ARHGAP21: variants seen among roughly 807,000 people sequenced by gnomAD.
ARHGAP21 encodes the protein Rho GTPase activating protein 21.
ARHGAP21 carries 38 observed loss-of-function variants against 164.6 expected under a neutral mutation model. The ratio of observed to expected loss-of-function variants is 0.23; its 90% CI spans 0.18 to 0.30. The LOEUF (loss-of-function observed/expected upper bound fraction) is 0.30, where lower values mean the gene tolerates loss of function less well. Ranked by LOEUF, ARHGAP21 falls within the 10% of genes least tolerant of loss-of-function variation. The pLI, the probability that ARHGAP21 is intolerant of heterozygous loss-of-function variation, is 1.00. For missense variants in ARHGAP21, 1,822 were observed against 2,370.7 expected (o/e 0.77, Z 4.81); for synonymous variants, 766 against 857.9 (o/e 0.89, Z 1.87).
At chr10:24,695,540 G>T (rs562060961) in intron 2 of ARHGAP21, among the ~76,000 whole-genome samples, 5 of 150,818 alleles carry the variant, frequency 3.3e-5, no homozygotes, top group African/African-American at 9.7e-5. Flanking sequence ...CTGCATTCCA[G>T]CCTGGGTGAT....
rs12571877 is a variant in ARHGAP21 at position 24,669,230 on chromosome 10, C to T, written c.243+988G>A. Among the ~76,000 whole-genome samples, 231 of 152,056 alleles carry T rather than the reference C, an allele frequency of 1.5e-3. 5 individuals are homozygous for T. The East Asian group carries it at 0.038, about 25-fold the overall frequency. On this transcript the variant is annotated intron_variant, in intron 3 of 25. Coordinates refer to ENST00000396432, the MANE Select transcript of ARHGAP21 (RefSeq NM_020824.4). ...CTATTCAGTACTTCAAAAAAGCATA[C>T]CCTGTAGGACATTACTAGAAAGACA...
intron 8 of ARHGAP21, among the ~76,000 whole-genome samples, chr10:24,622,095 T>C (rs1834597360): frequency 6.6e-6 from 1 of 152,150 alleles, no homozygotes; most frequent in South Asian, 2.1e-4. Context: ...TTACTTATTA[T>C]AAGGAGACAT....
chr10:24,708,001 C>A (rs766007427), intron 2 of ARHGAP21, among the ~76,000 whole-genome samples: 1 of 152,158 alleles, frequency 6.6e-6, no homozygotes, highest in Non-Finnish European at 1.5e-5. Context: ...CAAGTATGTT[C>A]CTACTTGTTT....
At chr10:24,677,287 C>T (rs961164996) in intron 2 of ARHGAP21, among the ~76,000 whole-genome samples, 1 of 152,168 alleles carries the variant, frequency 6.6e-6, no homozygotes, top group Non-Finnish European at 1.5e-5. Context: ...ATCTATTTTT[C>T]CTGATAGCTC....
intron 2 of ARHGAP21, chr10:24,714,356 A>G (rs560140721): frequency 1.3e-5 from 2 of 152,382 alleles, no homozygotes; most frequent in Non-Finnish European, 2.9e-5. Flanking sequence ...TCAAGGCACA[A>G]TGAACTTCAT....
intron 13 of ARHGAP21, among the ~76,000 whole-genome samples, chr10:24,601,638 T>C (rs917668698): frequency 6.6e-6 from 1 of 152,126 alleles, no homozygotes; most frequent in African/African-American, 2.4e-5. Context: ...TAAAACTGAT[T>C]TGCCACTTCC....
At chr10:24,674,747 A>G (rs1486275512) in intron 2 of ARHGAP21, among the ~76,000 whole-genome samples, 1 of 152,192 alleles carries the variant, frequency 6.6e-6, no homozygotes, top group East Asian at 1.9e-4. Flanking sequence ...ACATACACAC[A>G]TACACTTTTA....
chr10:24,700,238 C>T (rs1843534508), intron 2 of ARHGAP21, among the ~76,000 whole-genome samples: 1 of 152,194 alleles, frequency 6.6e-6, no homozygotes, highest in African/African-American at 2.4e-5. Flanking sequence ...CTCTGCTCAT[C>T]CCATATGCAC....
rs1399356479 is a variant in ARHGAP21, at chr10:24,591,693, A to T, written c.4003-10T>A. 12 of 1,613,510 alleles carry T rather than the reference A, an allele frequency of 7.4e-6. No individual in the cohort carries two copies. Among genetic ancestry groups the T allele is most frequent in the Non-Finnish European group, 1.0e-5 (12 of 1,179,546 alleles). ...TGAAAAACCAGTCATGCTAAAATTT[A>T]AAAAAGGTGAGAAGAGAAATTAAAC... On this transcript the variant is annotated splice_polypyrimidine_tract_variant and intron_variant, in intron 22 of 25. Coordinates refer to ENST00000396432, the MANE Select transcript of ARHGAP21 (RefSeq NM_020824.4).
At position 24,675,542 on chromosome 10, in the gene ARHGAP21, C is replaced by A. The variant is rs143512852; in HGVS notation, c.64-5145G>T. 1.5e-3 allele frequency among the ~76,000 whole-genome samples: 230 copies of A among 152,214 alleles called. 5 individuals are homozygous for A. In the East Asian group the frequency reaches 0.038, roughly 25 times the overall value. ...TTGCGTATAAACTTACCGAACTGTA[C>A]AGTTTACACATGTACAGTTGATTAT... On this transcript the variant is annotated intron_variant, in intron 2 of 25. Coordinates refer to ENST00000396432, the MANE Select transcript of ARHGAP21 (RefSeq NM_020824.4).
At chr10:24,680,270 T>C (rs1841643890) in intron 2 of ARHGAP21, among the ~76,000 whole-genome samples, 1 of 152,202 alleles carries the variant, frequency 6.6e-6, no homozygotes, top group Non-Finnish European at 1.5e-5. Context: ...CTTTTTGATC[T>C]AATTTATTAT....
intron 2 of ARHGAP21, among the ~76,000 whole-genome samples, chr10:24,695,819 T>TA (rs1843127254): frequency 6.6e-6 from 1 of 152,034 alleles, no homozygotes; most frequent in South Asian, 2.1e-4. Context: ...TGCAGGGAGC[T>TA]AAATCCCACC....
In ARHGAP21 at chr10:24,584,670, G is replaced by A; in HGVS notation, c.5619C>T (p.Pro1873=). 6.2e-7 allele frequency: 1 copy of A among 1,613,896 alleles called. No individual in the cohort carries two copies. The highest frequency in any genetic ancestry group is 8.5e-7 in the Non-Finnish European group (1 of 1,179,850). The change falls in exon 26 of 26, where the codon CCC becomes CCT. Residue 1873 remains proline (P), a synonymous_variant. Coordinates refer to ENST00000396432, the MANE Select transcript of ARHGAP21 (RefSeq NM_020824.4). ...CTCGTGTGCTTGGGTTCTCTGTCTGGGGATCTCCGATTTCTCCTCTGCTAA... is the reference window on the plus strand; with the variant it reads ...CTCGTGTGCTTGGGTTCTCTGTCTGAGGATCTCCGATTTCTCCTCTGCTAA... The part of the protein sequence containing the change: ...SDLSRGEIGD[P]QTENPSTREI...
intron 9 of ARHGAP21, among the ~76,000 whole-genome samples, chr10:24,609,501 T>C (rs2077164617): frequency 6.6e-6 from 1 of 152,206 alleles, no homozygotes; most frequent in Non-Finnish European, 1.5e-5. Context: ...CATTTCAGTA[T>C]TGTTGCATTC....
At chr10:24,656,351 C>T (rs1218642789) in intron 4 of ARHGAP21, among the ~76,000 whole-genome samples, 7 of 92,908 alleles carry the variant, frequency 7.5e-5, no homozygotes, top group Admixed American at 9.5e-5. Context: ...GGGGGGTCAG[C>T]CCCCCCACCC....
chr10:24,631,143 C>A (rs1207777001), intron 6 of ARHGAP21, among the ~76,000 whole-genome samples: 3 of 152,148 alleles, frequency 2.0e-5, no homozygotes, highest in Non-Finnish European at 4.4e-5. Flanking sequence ...GTGGGTGGAT[C>A]ACTTGAGGTC....
chr10:24,625,659 T>TC (rs1420839549), intron 7 of ARHGAP21, among the ~76,000 whole-genome samples: 3 of 152,192 alleles, frequency 2.0e-5, no homozygotes, highest in Non-Finnish European at 4.4e-5. Context: ...TACTCTTGCT[T>TC]CCCTCACTCT....
rs1424512051 is a variant in ARHGAP21 at position 24,639,108 on chromosome 10, A to T, written c.269-4005T>A. 2.6e-5 allele frequency among the ~76,000 whole-genome samples: 4 copies of T among 152,194 alleles called. No homozygotes were observed. The East Asian group carries it at 7.7e-4, about 29-fold the overall frequency. ...TTATTCTCTATATTCATTATAATGCAACAGTTAAGACCTTGGGCCCTATAA... is the reference window on the plus strand; with the variant it reads ...TTATTCTCTATATTCATTATAATGCTACAGTTAAGACCTTGGGCCCTATAA... On this transcript the variant is annotated intron_variant, in intron 4 of 25. Transcript: ENST00000396432.
chr10:24,658,638 T>G (rs1427453493), intron 4 of ARHGAP21, among the ~76,000 whole-genome samples: 1 of 152,014 alleles, frequency 6.6e-6, no homozygotes, highest in Non-Finnish European at 1.5e-5. Flanking sequence ...TGAGAACACC[T>G]GTACACAGGG....
Sources: allele counts gnomAD v4.1 joint callset (sites outside exome capture counted in the v4.1 genomes callset), GRCh38; gene constraint gnomAD v4.1.1; transcripts MANE v1.5; gene names NCBI Gene and HGNC (gene_info 2026-07-23, HGNC 2026-07-21).